Variants in TPH1 observed in about 807,000 individuals in gnomAD.
The protein encoded by TPH1 is tryptophan 5-hydroxylase 1.
TPH1 carries 37 observed loss-of-function variants against 49.5 expected under a neutral mutation model. The ratio of observed to expected loss-of-function variants is 0.75; its 90% confidence interval spans 0.58 to 0.98. TPH1 has a LOEUF of 0.98. Ranked by LOEUF, TPH1 falls within the 50% of genes least tolerant of loss-of-function variation. The pLI is 0.00. For missense variants in TPH1, 487 were observed against 523.6 expected (o/e 0.93, Z 0.68); for synonymous variants, 160 against 182.1 (o/e 0.88, Z 0.98).
At chr11:18,044,549 C>T (rs187543146) in intron 1 of TPH1, among the ~76,000 whole-genome samples, 3 of 151,632 alleles carry the variant, frequency 2.0e-5, no homozygotes, top group East Asian at 3.9e-4. Context: ...TGTTCCCCCC[C>T]ACCCCAAAAT....
At chr11:18,039,038 A>G (rs1848073560) in intron 2 of TPH1, among the ~76,000 whole-genome samples, 1 of 152,154 alleles carries the variant, frequency 6.6e-6, no homozygotes, top group East Asian at 1.9e-4. Flanking sequence ...CACCAAAAAA[A>G]CTAACGACCA....
chr11:18,035,365 TTTTCTTTC>T (rs202053014), intron 3 of TPH1, among the ~76,000 whole-genome samples: 4 of 150,774 alleles, frequency 2.7e-5, no homozygotes, highest in Admixed American at 2.0e-4. Context: ...CTGTCTTTCT[TTTTCTTTC>T]TTTCTTTCTT....
At chr11:18,044,915 G>C (rs1848128151) in intron 1 of TPH1, among the ~76,000 whole-genome samples, 1 of 152,152 alleles carries the variant, frequency 6.6e-6, no homozygotes, top group South Asian at 2.1e-4. Context: ...CTCATGAAAG[G>C]TAGAGTCATT....
chr11:18,025,534 C>G (rs763557147), intron 8 of TPH1, 41 bp downstream of exon 8: 1 of 1,612,776 alleles, frequency 6.2e-7, no homozygotes, highest in East Asian at 2.2e-5. Context: ...TACTCATACA[C>G]CCTACCCCAG....
intron 1 of TPH1, chr11:18,041,334 G>A (rs922797078): frequency 6.6e-6 from 1 of 152,552 alleles, no homozygotes; most frequent in Admixed American, 6.5e-5. Context: ...TTCTAGTTCT[G>A]CTTCTCAGAA....
At chr11:18,039,998 C>T (rs1335203523) in intron 2 of TPH1, among the ~76,000 whole-genome samples, 1 of 151,658 alleles carries the variant, frequency 6.6e-6, no homozygotes, top group African/African-American at 2.4e-5. Context: ...ATAGGAGACA[C>T]TGTCATTATA....
rs940870655 is a variant in TPH1, at chr11:18,019,407, A to G, written c.*1584T>C. On this transcript the variant is annotated 3_prime_UTR_variant, in exon 11 of 11. Coordinates refer to ENST00000682019, the MANE Select transcript of TPH1 (RefSeq NM_004179.3). ...GGAAGCTGATGGACTGTGATATTCA[A>G]GTGATTCTGAGTTCCTTTATAGACC... The G allele has an allele frequency of 2.1e-5, 5 of 237,152 alleles. No individual in the cohort carries two copies. Among genetic ancestry groups the G allele is most frequent in the East Asian group, 1.2e-4 (1 of 8,144 alleles). 14.7% of individuals were successfully genotyped at this position (237,152 alleles called of 1,614,324 possible). A position where few individuals can be genotyped will look rare whatever the true frequency, so the allele number is the denominator to read the frequency against.
At chr11:18,037,795 T>A (rs1315836853) in intron 2 of TPH1, among the ~76,000 whole-genome samples, 1 of 152,192 alleles carries the variant, frequency 6.6e-6, no homozygotes, top group Non-Finnish European at 1.5e-5. Flanking sequence ...ACATTCCCTA[T>A]CAGACATTTC....
At chr11:18,040,879 G>T (rs1848093772) in intron 1 of TPH1, 91 bp from the exon 2 acceptor site, 3 of 1,243,712 alleles carry the variant, frequency 2.4e-6, no homozygotes, top group South Asian at 1.3e-5. Flanking sequence ...ACTTCTAGGA[G>T]CTTCAGTTTC....
At chr11:18,046,174 C>T (rs1179038037) in intron 1 of TPH1, among the ~76,000 whole-genome samples, 67 bp downstream of exon 1, 1 of 152,232 alleles carries the variant, frequency 6.6e-6, no homozygotes, top group Non-Finnish European at 1.5e-5. Context: ...CAGCCCCGCG[C>T]CTGCCAAGCG....
chr11:18,024,042 A>C, intron 8 of TPH1, 59 bp from the exon 9 acceptor site: 1 of 1,357,652 alleles, frequency 7.4e-7, no homozygotes, highest in Non-Finnish European at 1.1e-6. Flanking sequence ...AAAACAAATT[A>C]CAATTCTTAG....
Position 18,022,921 on chromosome 11 carries a change from G to C in TPH1, c.1037C>G (p.Ser346Cys). The C allele has an allele frequency of 6.2e-7, 1 of 1,613,282 alleles. No individual in the cohort carries two copies. The highest frequency in any genetic ancestry group is 1.1e-5 in the South Asian group (1 of 91,046). ...AAAGGGCTTTACTTTGGCATGTCCA[G>C]AAAGTGCATGCTAGAAGACAAAGAG... ...SSISELKHAL[S>C]GHAKVKPFDP... The change falls in exon 10 of 11, where the codon TCT becomes TGT. Residue 346 changes from serine (S) to cysteine (C), a missense_variant. Physicochemically the swap from Ser to Cys is moderately radical, Grantham distance 112. Coordinates refer to ENST00000682019, the MANE Select transcript of TPH1 (RefSeq NM_004179.3).
At chr11:18,044,234 C>T (rs1418839807) in intron 1 of TPH1, among the ~76,000 whole-genome samples, 2 of 152,154 alleles carry the variant, frequency 1.3e-5, no homozygotes, top group African/African-American at 4.8e-5. Context: ...CCATCCTGGC[C>T]AACATGGTGA....
At position 18,038,943 on chromosome 11, in the gene TPH1, T is replaced by C. The variant is rs531364449; in HGVS notation, c.117+1703A>G. On this transcript the variant is annotated intron_variant, in intron 2 of 10. Coordinates refer to ENST00000682019, the MANE Select transcript of TPH1 (RefSeq NM_004179.3). ...AGGGAGGTGGTATCAGTATCATTGT[T>C]CATAATAGAAAGTAAATGAATATAG... 2.2e-3 allele frequency among the ~76,000 whole-genome samples: 340 copies of C among 152,230 alleles called. 3 individuals carry two copies. The Middle Eastern group carries it at 0.027, about 12-fold the overall frequency.
chr11:18,045,544 T>C (rs1214406522), intron 1 of TPH1, among the ~76,000 whole-genome samples: 1 of 152,082 alleles, frequency 6.6e-6, no homozygotes, highest in Non-Finnish European at 1.5e-5. Context: ...TCTAGTCTTT[T>C]TCCTGCTAAG....
In TPH1 at chr11:18,023,888, T is replaced by C. The variant is rs1565234915; in HGVS notation, c.1026A>G (p.Lys342=). 1 of 1,611,222 alleles carries C rather than the reference T, an allele frequency of 6.2e-7. No homozygotes were observed. The highest frequency in any genetic ancestry group is 1.1e-5 in the South Asian group (1 of 91,022). Residue 342 remains lysine (K), a splice_region_variant and synonymous_variant, in exon 9 of 11, where the codon AAA becomes AAG. Coordinates refer to ENST00000682019, the MANE Select transcript of TPH1 (RefSeq NM_004179.3). ...ATATACAAAGATTTGCAACTCTTAC[T>C]TTGAGTTCACTGATAGAAGAAAGTA... ...AGLLSSISEL[K]HALSGHAKVK...
chr11:18,034,776 A>AC (rs1564858593), intron 3 of TPH1, among the ~76,000 whole-genome samples: 1 of 150,186 alleles, frequency 6.7e-6, no homozygotes, highest in Non-Finnish European at 1.5e-5. Flanking sequence ...AACTCCAAGG[A>AC]TTTTTTTTTT....
chr11:18,040,851 A>C (rs1227437188), intron 1 of TPH1, 63 bp from the exon 2 acceptor site: 3 of 1,460,388 alleles, frequency 2.1e-6, no homozygotes, highest in Non-Finnish European at 1.9e-6. Context: ...ACAATATTTG[A>C]TAACTAAGGG....
intron 6 of TPH1, among the ~76,000 whole-genome samples, chr11:18,028,753 G>A (rs916225992): frequency 6.6e-6 from 1 of 152,056 alleles, no homozygotes; most frequent in Non-Finnish European, 1.5e-5. Context: ...ATATCACTAC[G>A]CTTTATTCCC....
Sources: allele counts gnomAD v4.1 joint callset (sites outside exome capture counted in the v4.1 genomes callset), GRCh38; gene constraint gnomAD v4.1.1; transcripts MANE v1.5; gene names NCBI Gene and HGNC (gene_info 2026-07-23, HGNC 2026-07-21).